PSME4: variants seen among roughly 807,000 people sequenced by gnomAD.
The protein encoded by PSME4 is proteasome activator complex subunit 4.
In PSME4, 89 loss-of-function variants were observed where a neutral mutation model predicts 253.9. The ratio of observed to expected loss-of-function variants is 0.35; its 90% confidence interval spans 0.30 to 0.42. The LOEUF is 0.42. Among genes scored for constraint, PSME4 ranks in the 10% least tolerant of loss-of-function variants. The pLI is 1.00. For synonymous variants in PSME4, 851 were observed against 759.2 expected (o/e 1.12, Z -1.99); for missense variants, 2,014 against 2,195.2 (o/e 0.92, Z 1.65).
At chr2:53,963,485 A>G (rs966484603) in intron 1 of PSME4, among the ~76,000 whole-genome samples, 11 of 152,326 alleles carry the variant, frequency 7.2e-5, no homozygotes, top group African/African-American at 2.6e-4. Flanking sequence ...CCTCTACTAC[A>G]CTGTATTAAC....
intron 3 of PSME4, among the ~76,000 whole-genome samples, chr2:53,940,964 T>A (rs58674569): frequency 0.015 from 692 of 46,246 alleles, 52 homozygotes; most frequent in African/African-American, 0.038. Context: ...TATATATATA[T>A]ATATATATAT....
chr2:53,923,694 A>G (rs1668427308), intron 14 of PSME4, among the ~76,000 whole-genome samples: 1 of 152,102 alleles, frequency 6.6e-6, no homozygotes, highest in African/African-American at 2.4e-5. Context: ...AGGCTGAGGC[A>G]GGAGCATCAC....
At chr2:53,938,273 C>A (rs1484244895) in intron 4 of PSME4, among the ~76,000 whole-genome samples, 2 of 152,062 alleles carry the variant, frequency 1.3e-5, no homozygotes, top group African/African-American at 4.8e-5. Flanking sequence ...TTGAATAAAC[C>A]ATTTACCTTC....
chr2:53,922,384 T>C, intron 17 of PSME4, 133 bp downstream of exon 17: 1 of 838,430 alleles, frequency 1.2e-6, no homozygotes. Flanking sequence ...ATTCTGATCT[T>C]CTGAAGCCTC....
At chr2:53,902,703 G>A (rs912070061) in intron 27 of PSME4, among the ~76,000 whole-genome samples, 5 of 152,056 alleles carry the variant, frequency 3.3e-5, no homozygotes, top group Admixed American at 2.6e-4. Flanking sequence ...TCCATAAACG[G>A]CCAGAAAGCA....
At chr2:53,906,746 A>C in intron 25 of PSME4, 53 bp from the exon 26 acceptor site, 1 of 1,600,372 alleles carries the variant, frequency 6.2e-7, no homozygotes, top group Admixed American at 1.8e-5. Flanking sequence ...AAACAAAACT[A>C]AATACTCATC....
intron 1 of PSME4, among the ~76,000 whole-genome samples, chr2:53,951,291 C>T (rs75136147): frequency 6.6e-6 from 1 of 152,206 alleles, no homozygotes; most frequent in Non-Finnish European, 1.5e-5. Context: ...CCATGTTGGC[C>T]AGGCTGGTCT....
At chr2:53,909,516 G>C (rs1281892101) in intron 21 of PSME4, among the ~76,000 whole-genome samples, 2 of 152,064 alleles carry the variant, frequency 1.3e-5, no homozygotes, top group African/African-American at 2.4e-5. Flanking sequence ...TCTGTACATA[G>C]CATTCAAATA....
chr2:53,868,840 T>A (rs972069681), intron 44 of PSME4, among the ~76,000 whole-genome samples: 6 of 151,826 alleles, frequency 4.0e-5, no homozygotes, highest in African/African-American at 1.5e-4. Context: ...TGTAATCACA[T>A]TTACATTTCT....
intron 19 of PSME4, 123 bp from the exon 20 acceptor site, chr2:53,919,369 T>A (rs1668199421): frequency 1.5e-6 from 2 of 1,292,516 alleles, no homozygotes; most frequent in Non-Finnish European, 2.0e-6. Flanking sequence ...ATAGCAAATG[T>A]CTTCAGTTTA....
chr2:53,959,153 C>T (rs918789177), intron 1 of PSME4, among the ~76,000 whole-genome samples: 2 of 152,100 alleles, frequency 1.3e-5, no homozygotes, highest in East Asian at 3.8e-4. Context: ...CCTATCTTGA[C>T]TAAAAATACA....
intron 31 of PSME4, 35 bp downstream of exon 31, chr2:53,897,835 C>G: frequency 6.2e-7 from 1 of 1,602,222 alleles, no homozygotes; most frequent in East Asian, 2.2e-5. Flanking sequence ...TACATATTCT[C>G]AAACCCAAGA....
intron 1 of PSME4, among the ~76,000 whole-genome samples, chr2:53,956,659 G>A (rs948202522): frequency 2.6e-5 from 4 of 151,710 alleles, no homozygotes; most frequent in African/African-American, 2.4e-5. Context: ...TGCAACGTCC[G>A]CCTCCCAAGT....
chr2:53,932,425 A>G (rs569983014), intron 9 of PSME4, among the ~76,000 whole-genome samples: 2 of 152,322 alleles, frequency 1.3e-5, no homozygotes, highest in African/African-American at 4.8e-5. Context: ...CTATGCTTCT[A>G]AGGCATTTTT....
intron 34 of PSME4, among the ~76,000 whole-genome samples, chr2:53,894,531 CAA>C (rs1221127251): frequency 6.6e-6 from 1 of 152,198 alleles, no homozygotes; most frequent in Non-Finnish European, 1.5e-5. Context: ...CTCAGACTTC[CAA>C]AGTGTTGGGA....
At chr2:53,946,087 A>C (rs13414765) in intron 3 of PSME4, among the ~76,000 whole-genome samples, 2,227 of 152,300 alleles carry the variant, frequency 0.015, 58 homozygotes, top group African/African-American at 0.051. Context: ...TGACTGACCA[A>C]TACTAATAGA....
intron 10 of PSME4, 29 bp downstream of exon 10, chr2:53,931,806 T>G (rs774116378): frequency 6.2e-7 from 1 of 1,608,604 alleles, no homozygotes; most frequent in Admixed American, 1.7e-5. Context: ...AAAACCTAGC[T>G]GTGGCTGAGA....
intron 29 of PSME4, 58 bp downstream of exon 29, chr2:53,899,823 A>G: frequency 1.3e-6 from 2 of 1,583,750 alleles, no homozygotes; most frequent in Middle Eastern, 1.7e-4. Flanking sequence ...GTCTCAAAAA[A>G]AAGCCAAAAC....
intron 43 of PSME4, among the ~76,000 whole-genome samples, chr2:53,872,846 G>T (rs867014131): frequency 3.4e-5 from 5 of 149,156 alleles, no homozygotes; most frequent in African/African-American, 1.2e-4. Context: ...ACAATGACAA[G>T]GTCATTGTTT....
Sources: allele counts gnomAD v4.1 joint callset (sites outside exome capture counted in the v4.1 genomes callset), GRCh38; gene constraint gnomAD v4.1.1; transcripts MANE v1.5; gene names NCBI Gene and HGNC (gene_info 2026-07-23, HGNC 2026-07-21).